SCN8A: variants seen among roughly 807,000 people sequenced by gnomAD.
The protein encoded by SCN8A is sodium channel protein type 8 subunit alpha.
SCN8A carries 30 observed loss-of-function variants against 184.1 expected under a neutral mutation model. The observed-to-expected ratio is 0.16, with a 90% CI of 0.12 to 0.22. The LOEUF (loss-of-function observed/expected upper bound fraction) is 0.22, where lower values mean the gene tolerates loss of function less well. Among genes scored for constraint, SCN8A ranks in the 10% least tolerant of loss-of-function variants. SCN8A has a pLI of 1.00. For missense variants in SCN8A, 1,057 were observed against 2,498.9 expected (o/e 0.42, Z 12.30); for synonymous variants, 852 against 907.0 (o/e 0.94, Z 1.09).
chr12:51,682,500 T>A (rs915239581), intron 2 of SCN8A, among the ~76,000 whole-genome samples: 1 of 152,282 alleles, frequency 6.6e-6, no homozygotes, highest in Non-Finnish European at 1.5e-5. Context: ...CAATCCCATG[T>A]GAGAGAGAGA....
rs570729421 is a variant in SCN8A at position 51,792,944 on chromosome 12, T to A, written c.4525-1427T>A. Among the ~76,000 whole-genome samples the A allele has an allele frequency of 2.6e-5, 4 of 152,270 alleles. No individual in the cohort carries two copies. The South Asian group carries it at 8.3e-4, about 32-fold the overall frequency. ...TTTTAGTAGAGACAAGGTTTCACCA[T>A]GTTGACCAGGCTGGTCTTGAACTCC... On this transcript the variant is annotated intron_variant, in intron 25 of 26. Transcript: ENST00000627620.
chr12:51,646,209 C>T (rs1940586729), intron 1 of SCN8A, among the ~76,000 whole-genome samples: 1 of 152,062 alleles, frequency 6.6e-6, no homozygotes, highest in African/African-American at 2.4e-5. Context: ...AGGAATGAAA[C>T]TGGAGGCAGT....
chr12:51,621,285 T>C (rs1939956797), intron 1 of SCN8A, among the ~76,000 whole-genome samples: 1 of 152,216 alleles, frequency 6.6e-6, no homozygotes, highest in African/African-American at 2.4e-5. Flanking sequence ...ACTATAAACT[T>C]AGGTCACTTG....
intron 2 of SCN8A, among the ~76,000 whole-genome samples, chr12:51,675,209 AG>A (rs1941202788): frequency 6.6e-6 from 1 of 152,236 alleles, no homozygotes; most frequent in African/African-American, 2.4e-5. Flanking sequence ...CCTGGGAAGC[AG>A]CATTGTGCTG....
At chr12:51,800,845 T>C (rs1938536593) in intron 26 of SCN8A, among the ~76,000 whole-genome samples, 3 of 152,180 alleles carry the variant, frequency 2.0e-5, no homozygotes, top group Admixed American at 2.0e-4. Flanking sequence ...GGAGGTCTCC[T>C]TGGGGAAGCA....
In SCN8A at chr12:51,662,973, G is replaced by A. The variant is rs1309308977; in HGVS notation, c.156G>A (p.Lys52=). The part of the protein sequence containing the change: ...GSHREDDEDS[K]PKPNSDLEAG... ...ATCGGGAGGACGATGAGGACAGCAA[G>A]CCCAAGCCAAACAGCGACCTGGAAG... is the stretch of plus-strand genomic sequence containing the variant. The change falls in exon 2 of 27, where the codon AAG becomes AAA. Residue 52 remains lysine (K), a synonymous_variant. Transcript: ENST00000627620. The A allele has an allele frequency of 3.7e-6, 6 of 1,613,938 alleles. No individual in the cohort carries two copies. The highest frequency in any genetic ancestry group is 5.1e-6 in the Non-Finnish European group (6 of 1,179,910).
intron 25 of SCN8A, among the ~76,000 whole-genome samples, chr12:51,792,488 C>CAAAAAAAAA (rs71092723): frequency 1.9e-5 from 1 of 51,590 alleles, no homozygotes; most frequent in Admixed American, 2.8e-4. Context: ...GACCCTATCT[C>CAAAAAAAAA]AAAAAAAAAA....
At chr12:51,640,655 T>C (rs1438377845) in intron 1 of SCN8A, among the ~76,000 whole-genome samples, 1 of 152,136 alleles carries the variant, frequency 6.6e-6, no homozygotes, top group East Asian at 1.9e-4. Context: ...CCCTGAGTGC[T>C]CATTTAAGGA....
At chr12:51,730,938 C>T (rs1218599886) in intron 12 of SCN8A, among the ~76,000 whole-genome samples, 1 of 152,152 alleles carries the variant, frequency 6.6e-6, no homozygotes, top group Admixed American at 6.5e-5. Context: ...ATTTTTCGAT[C>T]CCACAGATAA....
intron 26 of SCN8A, among the ~76,000 whole-genome samples, chr12:51,797,951 T>G (rs1938453894): frequency 6.6e-6 from 1 of 152,190 alleles, no homozygotes. Flanking sequence ...GCAAAAATTT[T>G]GCTAGCCGGT....
intron 4 of SCN8A, among the ~76,000 whole-genome samples, chr12:51,686,704 C>T (rs1020517749): frequency 1.3e-5 from 2 of 152,192 alleles, no homozygotes; most frequent in Admixed American, 1.3e-4. Context: ...GCAGCCCCAT[C>T]ACCATCTTGT....
At chr12:51,726,923 G>A (rs2138792302) in intron 12 of SCN8A, among the ~76,000 whole-genome samples, 1 of 152,316 alleles carries the variant, frequency 6.6e-6, no homozygotes, top group Middle Eastern at 3.4e-3. Flanking sequence ...GGCTTGGGAA[G>A]GGGATTATGG....
intron 1 of SCN8A, among the ~76,000 whole-genome samples, chr12:51,605,635 G>A (rs943244113): frequency 5.3e-5 from 8 of 152,286 alleles, no homozygotes; most frequent in Middle Eastern, 3.4e-3. Context: ...GGACCAAATG[G>A]TAGTTCTACT....
intron 1 of SCN8A, among the ~76,000 whole-genome samples, chr12:51,625,469 A>G (rs1464893958): frequency 2.6e-5 from 4 of 152,240 alleles, no homozygotes; most frequent in Non-Finnish European, 5.9e-5. Flanking sequence ...CAAAGCTGCT[A>G]TAAATATTTG....
Position 51,811,194 on chromosome 12 carries a change from G to C in SCN8A, c.*3765G>C, listed in dbSNP as rs567002096. ...GGGAATTGGGACCTTAGCACATTTG[G>C]GGAAAGGAGGGGAATAGAGGGAAGA... On this transcript the variant is annotated 3_prime_UTR_variant, in exon 27 of 27. Coordinates refer to ENST00000627620, the MANE Select transcript of SCN8A (RefSeq NM_001330260.2). The C allele has an allele frequency of 6.6e-6, 1 of 152,104 alleles. No individual in the cohort carries two copies. 9.4% of individuals were successfully genotyped at this position (152,104 alleles called of 1,614,324 possible). A position where few individuals can be genotyped will look rare whatever the true frequency, so the allele number is the denominator to read the frequency against.
At chr12:51,674,521 G>A (rs1941188832) in intron 2 of SCN8A, among the ~76,000 whole-genome samples, 1 of 152,118 alleles carries the variant, frequency 6.6e-6, no homozygotes, top group Non-Finnish European at 1.5e-5. Flanking sequence ...TTTTAGTAGA[G>A]ACGGGGTTTT....
At chr12:51,762,823 C>A in intron 15 of SCN8A, 147 bp downstream of exon 15, 1 of 705,226 alleles carries the variant, frequency 1.4e-6, no homozygotes, top group Non-Finnish European at 2.1e-6. Flanking sequence ...TACTAAAATA[C>A]TAAAAACTTT....
At chr12:51,729,355 A>G (rs1386675998) in intron 12 of SCN8A, among the ~76,000 whole-genome samples, 1 of 152,182 alleles carries the variant, frequency 6.6e-6, no homozygotes, top group African/African-American at 2.4e-5. Flanking sequence ...CTTCCACTTC[A>G]GGCAACCACT....
chr12:51,685,303 A>G (rs761322100), intron 3 of SCN8A, among the ~76,000 whole-genome samples: 1 of 152,186 alleles, frequency 6.6e-6, no homozygotes, highest in Non-Finnish European at 1.5e-5. Context: ...ATCCAGCTGT[A>G]AGAAATATTT....
Sources: allele counts gnomAD v4.1 joint callset (sites outside exome capture counted in the v4.1 genomes callset), GRCh38; gene constraint gnomAD v4.1.1; transcripts MANE v1.5; gene names NCBI Gene and HGNC (gene_info 2026-07-23, HGNC 2026-07-21).